Variants in UGT8 observed in about 807,000 individuals in gnomAD.
UGT8 encodes the protein UDP glycosyltransferase 8.
Under a neutral mutation model 40.5 loss-of-function variants are expected in UGT8, and 12 were observed. The ratio of observed to expected loss-of-function variants is 0.30; its 90% CI spans 0.19 to 0.48. The LOEUF is 0.48. Among genes scored for constraint, UGT8 ranks in the 20% least tolerant of loss-of-function variants. UGT8 has a pLI of 0.99. For missense variants in UGT8, 513 were observed against 648.7 expected (o/e 0.79, Z 2.27); for synonymous variants, 224 against 240.4 (o/e 0.93, Z 0.63).
intron 2 of UGT8, among the ~76,000 whole-genome samples, chr4:114,661,862 G>A (rs1375029382): frequency 2.6e-5 from 4 of 152,084 alleles, no homozygotes; most frequent in African/African-American, 4.8e-5. Context: ...ACTCTTTCAC[G>A]TATCAGTAAA....
At chr4:114,675,153 A>T (rs1002419178) in intron 5 of UGT8, among the ~76,000 whole-genome samples, 2 of 152,166 alleles carry the variant, frequency 1.3e-5, no homozygotes, top group African/African-American at 4.8e-5. Flanking sequence ...TGTTATTTTA[A>T]ATTAAAACAA....
chr4:114,645,355 A>G (rs551260311), intron 2 of UGT8, among the ~76,000 whole-genome samples: 107 of 152,310 alleles, frequency 7.0e-4, no homozygotes, highest in Non-Finnish European at 1.1e-3. Flanking sequence ...TGTAAGAAGT[A>G]TTGACAACCC....
intron 2 of UGT8, among the ~76,000 whole-genome samples, chr4:114,637,756 G>T (rs1578432143): frequency 1.3e-5 from 2 of 152,142 alleles, no homozygotes; most frequent in South Asian, 4.1e-4. Context: ...AAACAGCTTG[G>T]TTATTTTATT....
At chr4:114,662,278 G>A (rs1482184403) in intron 2 of UGT8, among the ~76,000 whole-genome samples, 1 of 152,140 alleles carries the variant, frequency 6.6e-6, no homozygotes, top group East Asian at 1.9e-4. Context: ...AAAATCATCT[G>A]CCAAGACAGT....
intron 2 of UGT8, among the ~76,000 whole-genome samples, chr4:114,662,707 T>C (rs1031039220): frequency 6.6e-6 from 1 of 152,002 alleles, no homozygotes; most frequent in African/African-American, 2.4e-5. Flanking sequence ...CAGATCTCTT[T>C]AGGTGATAAA....
chr4:114,674,263 C>G (rs1735479477), intron 5 of UGT8, among the ~76,000 whole-genome samples: 1 of 152,070 alleles, frequency 6.6e-6, no homozygotes, highest in African/African-American at 2.4e-5. Flanking sequence ...GCAGCATGTC[C>G]CGTGTTCTGT....
chr4:114,623,363 C>A lies in UGT8; in HGVS notation c.483C>A (p.Gly161=), dbSNP rs368584974. The part of the protein sequence containing the change: ...LGVKYAVFST[G]LWYPAEVGAP... Reference sequence around the variant, plus strand: ...TTAAATATGCTGTATTTTCAACTGGCCTTTGGTATCCTGCTGAAGTGGGTG... The same window carrying A: ...TTAAATATGCTGTATTTTCAACTGGACTTTGGTATCCTGCTGAAGTGGGTG... Residue 161 remains glycine (G), a synonymous_variant, in exon 2 of 6, where the codon GGC becomes GGA. Coordinates refer to ENST00000310836, the MANE Select transcript of UGT8 (RefSeq NM_001128174.3). The A allele has an allele frequency of 5.0e-6, 8 of 1,613,978 alleles. No homozygotes were observed. In the African/African-American group the frequency reaches 8.0e-5, roughly 16 times the overall value.
intron 2 of UGT8, among the ~76,000 whole-genome samples, chr4:114,631,139 A>G (rs917899817): frequency 3.3e-5 from 5 of 152,152 alleles, no homozygotes; most frequent in Non-Finnish European, 7.3e-5. Flanking sequence ...ACTTCTTCCT[A>G]TATTATTTAT....
At chr4:114,601,909 G>A (rs1730466933) in intron 1 of UGT8, among the ~76,000 whole-genome samples, 1 of 151,220 alleles carries the variant, frequency 6.6e-6, no homozygotes, top group Non-Finnish European at 1.5e-5. Context: ...GGGCCCTGCT[G>A]CTCTATTATC....
At chr4:114,668,367 AATT>A in intron 5 of UGT8, 63 bp downstream of exon 5, 1 of 1,259,446 alleles carries the variant, frequency 7.9e-7, no homozygotes, top group Non-Finnish European at 1.1e-6. Context: ...GTCAGTAGCC[AATT>A]ATTTTCAATA....
chr4:114,663,675 T>G (rs1734686659), intron 2 of UGT8: 1 of 985,108 alleles, frequency 1.0e-6, no homozygotes, highest in Non-Finnish European at 1.2e-6. Flanking sequence ...GCATACAAAT[T>G]TTTTTCTGAA....
chr4:114,666,341 T>TA (rs1370436076), intron 4 of UGT8, among the ~76,000 whole-genome samples: 1 of 152,146 alleles, frequency 6.6e-6, no homozygotes, highest in Non-Finnish European at 1.5e-5. Flanking sequence ...TTCTCAAAAT[T>TA]AAAATAGTAA....
chr4:114,611,381 G>T (rs1731026689), intron 1 of UGT8, among the ~76,000 whole-genome samples: 1 of 127,290 alleles, frequency 7.9e-6, no homozygotes, highest in African/African-American at 3.2e-5. Context: ...TTTTTCTGTA[G>T]GATAACATAG....
chr4:114,660,803 A>G (rs961011806), intron 2 of UGT8, among the ~76,000 whole-genome samples: 9 of 151,808 alleles, frequency 5.9e-5, no homozygotes, highest in Non-Finnish European at 1.3e-4. Context: ...AGCCAGGAGA[A>G]AGGCGTGAAC....
rs148217774 is a variant in UGT8 at position 114,676,172 on chromosome 4, A to G, written c.1510A>G (p.Lys504Glu). The change falls in exon 6 of 6, where the codon AAA (lysine) becomes GAA (glutamate). Residue 504 changes from lysine to glutamate, a missense_variant. Transcript: ENST00000310836. ...WVTKFIYRKI[K>E]SLWSRNKHST... is the part of the protein sequence containing the mutation. Reference sequence around the variant, plus strand: ...GACAAAATTTATCTACAGAAAAATCAAAAGTCTGTGGTCTAGAAATAAGCA... The same window carrying G: ...GACAAAATTTATCTACAGAAAAATCGAAAGTCTGTGGTCTAGAAATAAGCA... 1.2e-6 allele frequency: 2 copies of G among 1,614,102 alleles called. No homozygotes were observed. Among genetic ancestry groups the G allele is most frequent in the African/African-American group, 2.7e-5 (2 of 74,938 alleles).
chr4:114,667,679 A>T (rs1734974571), intron 4 of UGT8: 2 of 175,386 alleles, frequency 1.1e-5, no homozygotes, highest in Admixed American at 6.5e-5. Flanking sequence ...CATTTTTTTT[A>T]AAAAGTGTTT....
chr4:114,637,258 C>T (rs917723800), intron 2 of UGT8, among the ~76,000 whole-genome samples: 4 of 152,148 alleles, frequency 2.6e-5, no homozygotes, highest in African/African-American at 9.7e-5. Flanking sequence ...GTGAGTTCTA[C>T]AATGCTACAG....
At chr4:114,674,054 T>A (rs1400615036) in intron 5 of UGT8, among the ~76,000 whole-genome samples, 2 of 152,226 alleles carry the variant, frequency 1.3e-5, no homozygotes, top group Non-Finnish European at 2.9e-5. Context: ...TCACTGCCTC[T>A]CAATTTTTTT....
At chr4:114,616,622 A>G (rs1353305663) in intron 1 of UGT8, among the ~76,000 whole-genome samples, 1 of 151,924 alleles carries the variant, frequency 6.6e-6, no homozygotes, top group Non-Finnish European at 1.5e-5. Flanking sequence ...CCCACTGTCC[A>G]ACACTCCCCA....
Sources: allele counts gnomAD v4.1 joint callset (sites outside exome capture counted in the v4.1 genomes callset), GRCh38; gene constraint gnomAD v4.1.1; transcripts MANE v1.5; gene names NCBI Gene and HGNC (gene_info 2026-07-23, HGNC 2026-07-21).